NLRP1: variants seen among roughly 807,000 people sequenced by gnomAD.
NLRP1 encodes the protein NLR family pyrin domain containing 1.
NLRP1 carries 94 observed loss-of-function variants against 136.7 expected under a neutral mutation model. The observed-to-expected ratio is 0.69, with a 90% CI of 0.58 to 0.82. The LOEUF is 0.82. Ranked by LOEUF, NLRP1 falls within the 40% of genes least tolerant of loss-of-function variation. The probability of loss-of-function intolerance (pLI) is 0.00; values close to 1 mark genes in which losing one functional copy is unlikely to be tolerated. For synonymous variants in NLRP1, 690 were observed against 725.1 expected (o/e 0.95, Z 0.78); for missense variants, 1,575 against 1,802.7 (o/e 0.87, Z 2.29).
intron 8 of NLRP1, among the ~76,000 whole-genome samples, chr17:5,534,590 C>T (rs928833429): frequency 3.9e-5 from 6 of 152,176 alleles, no homozygotes; most frequent in Admixed American, 3.9e-4. Flanking sequence ...ACCTCCATGA[C>T]CTCCACCTGA....
intron 5 of NLRP1, among the ~76,000 whole-genome samples, chr17:5,550,611 A>G (rs1444842604): frequency 6.6e-6 from 1 of 152,104 alleles, no homozygotes; most frequent in East Asian, 1.9e-4. Flanking sequence ...AAAAGGTGTC[A>G]AATTTTGTTG....
intron 3 of NLRP1, among the ~76,000 whole-genome samples, chr17:5,564,455 T>C (rs1915100219): frequency 6.6e-6 from 1 of 152,344 alleles, no homozygotes; most frequent in Non-Finnish European, 1.5e-5. Flanking sequence ...CATGTGATGT[T>C]TGTCTTCCTG....
At chr17:5,505,230 G>C (rs1480867880) in intron 15 of NLRP1, 1 of 152,358 alleles carries the variant, frequency 6.6e-6, no homozygotes, top group Non-Finnish European at 1.5e-5. Flanking sequence ...AAGGTGCTGT[G>C]GCACTTCTAG....
At chr17:5,557,011 G>A (rs898567477) in intron 4 of NLRP1, among the ~76,000 whole-genome samples, 6 of 151,988 alleles carry the variant, frequency 3.9e-5, no homozygotes, top group African/African-American at 1.5e-4. Flanking sequence ...TCTTTTGTTT[G>A]TTTGTTTTTT....
intron 16 of NLRP1, 89 bp from the exon 17 acceptor site, chr17:5,515,162 G>T: frequency 8.3e-7 from 1 of 1,205,618 alleles, no homozygotes; most frequent in Non-Finnish European, 1.2e-6. Flanking sequence ...TGCATCCCTC[G>T]CTTCCTTCTG....
chr17:5,517,638 G>A (rs1206828206), intron 15 of NLRP1, 108 bp downstream of exon 15: 22 of 1,273,082 alleles, frequency 1.7e-5, no homozygotes, highest in Middle Eastern at 1.9e-4. Context: ...TGCCTGCCTC[G>A]GCCTCCCAAA....
rs1470938733 is a variant in NLRP1, at chr17:5,514,464, G to A, written c.*290C>T. 12 of 1,283,708 alleles carry A rather than the reference G, an allele frequency of 9.3e-6. No homozygotes were observed. In the Admixed American group the frequency reaches 3.6e-4, roughly 39 times the overall value. 79.5% of individuals were successfully genotyped at this position (1,283,708 alleles called of 1,614,324 possible). ...TTTGCGCCTGGATGGGATCCGGAGGGCTCTAGGCTTGGCTGCTGTGGCCAC... is the reference window on the plus strand; with the variant it reads ...TTTGCGCCTGGATGGGATCCGGAGGACTCTAGGCTTGGCTGCTGTGGCCAC... On this transcript the variant is annotated 3_prime_UTR_variant, in exon 17 of 17. Coordinates refer to ENST00000572272, the MANE Select transcript of NLRP1 (RefSeq NM_033004.4).
intron 3 of NLRP1, among the ~76,000 whole-genome samples, chr17:5,568,971 G>A (rs931646708): frequency 6.7e-6 from 1 of 149,740 alleles, no homozygotes; most frequent in Non-Finnish European, 1.5e-5. Flanking sequence ...CACCCCCGTG[G>A]CCACCTACCA....
intron 15 of NLRP1, 63 bp from the exon 16 acceptor site, chr17:5,515,580 C>A (rs1908001104): frequency 8.1e-7 from 1 of 1,236,252 alleles, no homozygotes; most frequent in African/African-American, 1.5e-5. Flanking sequence ...ACACATGGTA[C>A]ACCTCCAAGC....
At chr17:5,553,318 C>T in intron 5 of NLRP1, 68 bp downstream of exon 5, 1 of 1,416,494 alleles carries the variant, frequency 7.1e-7, no homozygotes, top group Non-Finnish European at 9.6e-7. Context: ...TCCCTCAGCC[C>T]AGACTCAGCT....
At chr17:5,506,630 G>A (rs914255109) in intron 15 of NLRP1, among the ~76,000 whole-genome samples, 27 of 151,770 alleles carry the variant, frequency 1.8e-4, no homozygotes, top group African/African-American at 5.8e-4. Context: ...GGTGGCTCCC[G>A]CCTGTAATCC....
intron 3 of NLRP1, among the ~76,000 whole-genome samples, chr17:5,562,551 C>G (rs1052830071): frequency 1.3e-5 from 2 of 152,152 alleles, no homozygotes; most frequent in Admixed American, 6.5e-5. Flanking sequence ...AGAAGGTCAC[C>G]CCCCTGTCCC....
downstream of NLRP1, chr17:5,512,056 T>TCTTGTGAAGTGGGCCTGG: frequency 1.5e-6 from 1 of 685,240 alleles, no homozygotes. Flanking sequence ...ATTAACACCT[T>TCTTGTGAAGTGGGCCTGG]TAGGTATTTT....
chr17:5,529,528 C>T (rs553032286), intron 12 of NLRP1, among the ~76,000 whole-genome samples: 5 of 152,080 alleles, frequency 3.3e-5, no homozygotes, highest in South Asian at 2.1e-4. Context: ...CCGCCACGCC[C>T]GGCTAATTTT....
intron 11 of NLRP1, among the ~76,000 whole-genome samples, chr17:5,532,530 C>T (rs780685577): frequency 5.3e-5 from 8 of 152,160 alleles, no homozygotes; most frequent in Non-Finnish European, 7.3e-5. Flanking sequence ...ACAGCTGAAA[C>T]GAATTTGGCA....
At chr17:5,505,093 G>A (rs1907271755) in intron 15 of NLRP1, 1 of 152,224 alleles carries the variant, frequency 6.6e-6, no homozygotes, top group East Asian at 1.9e-4. Flanking sequence ...GCTGGGAGAA[G>A]GGAAGTCAAG....
intron 3 of NLRP1, among the ~76,000 whole-genome samples, chr17:5,572,369 C>G (rs1338830677): frequency 6.6e-6 from 1 of 152,112 alleles, no homozygotes; most frequent in Non-Finnish European, 1.5e-5. Context: ...GTTGGAATAT[C>G]CAGAATCTAT....
chr17:5,532,383 T>C (rs569337553), intron 11 of NLRP1, among the ~76,000 whole-genome samples: 6 of 152,344 alleles, frequency 3.9e-5, no homozygotes, highest in South Asian at 2.1e-4. Flanking sequence ...AGATGTGATA[T>C]TGGCATTGTA....
chr17:5,554,491 A>T (rs1913785882), intron 4 of NLRP1, among the ~76,000 whole-genome samples: 1 of 152,154 alleles, frequency 6.6e-6, no homozygotes, highest in Admixed American at 6.5e-5. Context: ...ACCTGAATTC[A>T]TCTTTTCCCC....
Sources: allele counts gnomAD v4.1 joint callset (sites outside exome capture counted in the v4.1 genomes callset), GRCh38; gene constraint gnomAD v4.1.1; transcripts MANE v1.5; gene names NCBI Gene and HGNC (gene_info 2026-07-23, HGNC 2026-07-21).